Variants in ANKFN1 observed in about 807,000 individuals in gnomAD.
ANKFN1 encodes the protein ankyrin repeat and fibronectin type-III domain-containing protein 1.
In ANKFN1, 74 loss-of-function variants were observed where a neutral mutation model predicts 108.7. That is an observed-to-expected ratio of 0.68 (90% CI 0.56 to 0.83). The LOEUF is 0.83. Ranked by LOEUF, ANKFN1 falls within the 40% of genes least tolerant of loss-of-function variation. The pLI is 0.00. For synonymous variants in ANKFN1, 547 were observed against 516.2 expected (o/e 1.06, Z -0.81); for missense variants, 1,505 against 1,382.3 (o/e 1.09, Z -1.41).
chr17:56,180,553 A>T (rs1298627938), intron 1 of ANKFN1, among the ~76,000 whole-genome samples: 1 of 152,226 alleles, frequency 6.6e-6, no homozygotes, highest in Non-Finnish European at 1.5e-5. Flanking sequence ...CTAATTTATA[A>T]AATGAAATCA....
At chr17:56,107,345 A>T (rs906878933) in intron 4 of ANKFN1, among the ~76,000 whole-genome samples, 1 of 152,100 alleles carries the variant, frequency 6.6e-6, no homozygotes, top group African/African-American at 2.4e-5. Flanking sequence ...TGCTCCATCC[A>T]TGTCCCCAAA....
At chr17:56,147,980 A>G (rs1908366200) in intron 4 of ANKFN1, among the ~76,000 whole-genome samples, 1 of 152,190 alleles carries the variant, frequency 6.6e-6, no homozygotes, top group Non-Finnish European at 1.5e-5. Context: ...GAATCTTCAT[A>G]AGTGCTCTCT....
intron 8 of ANKFN1, among the ~76,000 whole-genome samples, chr17:56,420,323 G>A (rs1028661109): frequency 1.3e-5 from 2 of 152,098 alleles, no homozygotes; most frequent in African/African-American, 4.8e-5. Context: ...ATCCTTGTGG[G>A]CCACACCAGT....
chr17:56,129,871 T>C (rs956400884), intron 4 of ANKFN1, among the ~76,000 whole-genome samples: 5 of 152,224 alleles, frequency 3.3e-5, no homozygotes, highest in African/African-American at 1.2e-4. Flanking sequence ...AAATTCATGC[T>C]TTTATTAGTC....
chr17:56,316,331 T>C (rs1352129916), intron 3 of ANKFN1, among the ~76,000 whole-genome samples: 2 of 152,160 alleles, frequency 1.3e-5, no homozygotes, highest in African/African-American at 4.8e-5. Flanking sequence ...TCTGATTCCA[T>C]GAAGTTGTGG....
chr17:56,103,972 C>T (rs1347369806), intron 4 of ANKFN1, among the ~76,000 whole-genome samples: 2 of 152,178 alleles, frequency 1.3e-5, no homozygotes, highest in Non-Finnish European at 1.5e-5. Context: ...AATAGATTGG[C>T]TGTTTGTGGC....
chr17:56,440,568 AT>A, intron 9 of ANKFN1, 144 bp downstream of exon 9: 1 of 583,000 alleles, frequency 1.7e-6, no homozygotes, highest in Non-Finnish European at 3.1e-6. Context: ...TATGTCTGGT[AT>A]CTAGAATCTG....
chr17:56,172,031 C>G (rs980636014), intron 1 of ANKFN1, among the ~76,000 whole-genome samples: 4 of 152,138 alleles, frequency 2.6e-5, no homozygotes, highest in African/African-American at 9.7e-5. Flanking sequence ...AAAAACAACT[C>G]TGTGTTTAAT....
At chr17:56,489,741 T>G (rs543288296) in intron 18 of ANKFN1, among the ~76,000 whole-genome samples, 1 of 152,216 alleles carries the variant, frequency 6.6e-6, no homozygotes, top group Admixed American at 6.5e-5. Context: ...TTTTTTTACC[T>G]CTTGGTTCAG....
At chr17:56,454,241 T>C (rs1158912111) in intron 11 of ANKFN1, among the ~76,000 whole-genome samples, 2 of 152,194 alleles carry the variant, frequency 1.3e-5, no homozygotes, top group Non-Finnish European at 2.9e-5. Context: ...TTGCTAAGCC[T>C]TCTATTCGGT....
intron 3 of ANKFN1, among the ~76,000 whole-genome samples, chr17:56,320,322 T>A (rs2045326787): frequency 6.6e-6 from 1 of 152,200 alleles, no homozygotes; most frequent in South Asian, 2.1e-4. Context: ...ATCTTTGACA[T>A]CCAAAATTAA....
chr17:56,487,888 G>GTACAAAAGC (rs2050904980), intron 18 of ANKFN1, among the ~76,000 whole-genome samples: 1 of 152,186 alleles, frequency 6.6e-6, no homozygotes, highest in Non-Finnish European at 1.5e-5. Flanking sequence ...GGGACAGTAT[G>GTACAAAAGC]TACAAAAGCT....
intron 3 of ANKFN1, among the ~76,000 whole-genome samples, chr17:56,233,137 A>G (rs1161958261): frequency 6.6e-6 from 1 of 152,106 alleles, no homozygotes; most frequent in Non-Finnish European, 1.5e-5. Context: ...TAAAAATAAT[A>G]ATAGTAGTAA....
At chr17:56,440,500 C>T in intron 9 of ANKFN1, 76 bp downstream of exon 9, 1 of 1,169,518 alleles carries the variant, frequency 8.6e-7, no homozygotes, top group Non-Finnish European at 1.3e-6. Flanking sequence ...AATGTCTATT[C>T]TGAAAGCAAC....
intron 4 of ANKFN1, among the ~76,000 whole-genome samples, chr17:56,112,185 A>G (rs549724822): frequency 1.3e-5 from 2 of 152,262 alleles, no homozygotes; most frequent in South Asian, 4.1e-4. Context: ...ACAGTCCAGG[A>G]AGAGTTATGC....
At position 56,408,910 on chromosome 17, in the gene ANKFN1, G is replaced by A. The variant is rs184522777; in HGVS notation, c.911-31417G>A. ...ATTATGTTACTTAGAATACAAAATG[G>A]TAAATGCTTTTAAGATTTTTTTTTT... On this transcript the variant is annotated intron_variant, in intron 8 of 20. Coordinates refer to ENST00000682825, the MANE Select transcript of ANKFN1 (RefSeq NM_001370326.1). Among the ~76,000 whole-genome samples, 328 of 151,860 alleles carry A rather than the reference G, an allele frequency of 2.2e-3. 1 individual carries two copies. Among genetic ancestry groups the A allele is most frequent in the Non-Finnish European group, 4.0e-3 (275 of 67,948 alleles).
chr17:56,445,199 G>T (rs2049243562), intron 10 of ANKFN1, among the ~76,000 whole-genome samples: 2 of 152,216 alleles, frequency 1.3e-5, no homozygotes, highest in African/African-American at 4.8e-5. Context: ...TTATGGGAGT[G>T]ACAGAAAATG....
intron 3 of ANKFN1, among the ~76,000 whole-genome samples, chr17:56,248,365 G>C (rs2144040993): frequency 6.6e-6 from 1 of 152,252 alleles, no homozygotes; most frequent in East Asian, 1.9e-4. Context: ...TATTGCTGTT[G>C]TCTCATGTTC....
intron 6 of ANKFN1, among the ~76,000 whole-genome samples, chr17:56,365,758 C>G (rs2046644074): frequency 6.6e-6 from 1 of 152,100 alleles, no homozygotes; most frequent in African/African-American, 2.4e-5. Context: ...TTCACATGTT[C>G]ATTGTGATGC....
Sources: gnomAD v4.1 joint callset for allele counts (sites outside exome capture counted in the v4.1 genomes callset) on GRCh38, gnomAD v4.1.1 for gene constraint, MANE v1.5 for transcripts, NCBI Gene and HGNC (gene_info 2026-07-23, HGNC 2026-07-21) for gene names.